The following GPC5 variants were observed in gnomAD, a reference collection of about 807,000 sequenced individuals.
GPC5 encodes glypican-5.
GPC5 carries 47 observed loss-of-function variants against 53.9 expected under a neutral mutation model. The observed-to-expected ratio is 0.87, with a 90% CI of 0.69 to 1.11. The LOEUF (loss-of-function observed/expected upper bound fraction) is 1.11, where lower values mean the gene tolerates loss of function less well. GPC5 is among the 50% of genes most tolerant of loss of function. GPC5 has a pLI of 0.00. For synonymous variants in GPC5, 286 were observed against 263.3 expected, an observed-to-expected ratio of 1.09 and a Z score of -0.84; for missense variants, 748 against 713.1, an observed-to-expected ratio of 1.05 and a Z score of -0.56.
intron 6 of GPC5, among the ~76,000 whole-genome samples, chr13:92,090,627 T>G (rs1232711282): frequency 6.6e-6 from 1 of 152,158 alleles, no homozygotes; most frequent in Non-Finnish European, 1.5e-5. Context: ...TTAAATAGAT[T>G]AAGACACCTA....
intron 7 of GPC5, among the ~76,000 whole-genome samples, chr13:92,566,154 A>C (rs1337746455): frequency 6.6e-6 from 1 of 152,056 alleles, no homozygotes. Flanking sequence ...GGAAAGGTGC[A>C]TGTCTCAGAC....
Position 92,866,614 on chromosome 13 carries a change from T to C in GPC5, c.*175T>C, listed in dbSNP as rs971054009. The C allele has an allele frequency of 4.5e-6, 2 of 443,256 alleles. No homozygotes were observed. Among genetic ancestry groups the C allele is most frequent in the African/African-American group, 4.0e-5 (2 of 49,468 alleles). 27.5% of individuals were successfully genotyped at this position (443,256 alleles called of 1,614,324 possible). On this transcript the variant is annotated 3_prime_UTR_variant, in exon 8 of 8. Transcript: ENST00000377067. ...TCATAAAGTCCCTAAAACTCAACGT[T>C]TAAATGACACACTTTAAAAATATGT...
chr13:92,556,098 G>A (rs7996354), intron 7 of GPC5, among the ~76,000 whole-genome samples: 105,104 of 151,446 alleles, frequency 0.69, 37,833 homozygotes, highest in African/African-American at 0.86. Context: ...TGGAATTTAT[G>A]TGGGGCAATA....
chr13:92,211,152 C>A (rs537098462), intron 7 of GPC5, among the ~76,000 whole-genome samples: 1 of 152,102 alleles, frequency 6.6e-6, no homozygotes, highest in African/African-American at 2.4e-5. Context: ...AGGAAAAGCA[C>A]TTGAAAATGG....
At chr13:92,252,217 CTT>C (rs1423565334) in intron 7 of GPC5, among the ~76,000 whole-genome samples, 1 of 151,950 alleles carries the variant, frequency 6.6e-6, no homozygotes, top group Non-Finnish European at 1.5e-5. Context: ...AAAAAGAAGA[CTT>C]AAACTTTTGA....
intron 5 of GPC5, among the ~76,000 whole-genome samples, chr13:91,787,580 T>C (rs994843800): frequency 9.9e-5 from 15 of 152,204 alleles, no homozygotes; most frequent in African/African-American, 2.7e-4. Context: ...GAGAAATATG[T>C]TCTCCAACAT....
At chr13:92,672,926 T>A (rs1436986345) in intron 7 of GPC5, among the ~76,000 whole-genome samples, 2 of 152,062 alleles carry the variant, frequency 1.3e-5, no homozygotes, top group East Asian at 3.9e-4. Flanking sequence ...GAAAAATAAC[T>A]AATGGGTGAT....
At chr13:92,705,465 G>A (rs1887916703) in intron 7 of GPC5, among the ~76,000 whole-genome samples, 2 of 151,968 alleles carry the variant, frequency 1.3e-5, no homozygotes, top group Non-Finnish European at 2.9e-5. Context: ...ATTCCATATT[G>A]AGATATACTG....
chr13:92,644,691 T>G (rs1342275087), intron 7 of GPC5, among the ~76,000 whole-genome samples: 1 of 152,182 alleles, frequency 6.6e-6, no homozygotes, highest in African/African-American at 2.4e-5. Context: ...CATGAAATAT[T>G]GTAATATATT....
intron 6 of GPC5, among the ~76,000 whole-genome samples, chr13:92,108,624 GT>G (rs2041528317): frequency 1.3e-5 from 2 of 152,166 alleles, no homozygotes; most frequent in Non-Finnish European, 2.9e-5. Context: ...ACTAAAATTT[GT>G]TTCCTCACAT....
intron 6 of GPC5, among the ~76,000 whole-genome samples, chr13:91,935,545 AATG>A (rs2139037634): frequency 6.6e-6 from 1 of 152,010 alleles, no homozygotes; most frequent in East Asian, 1.9e-4. Flanking sequence ...ATTGTAAAGA[AATG>A]ATATTTTTTG....
At chr13:92,553,444 C>G (rs572734313) in intron 7 of GPC5, among the ~76,000 whole-genome samples, 2 of 152,004 alleles carry the variant, frequency 1.3e-5, no homozygotes, top group South Asian at 4.1e-4. Flanking sequence ...GAGTTGGATA[C>G]CTGGAAGTAG....
intron 7 of GPC5, among the ~76,000 whole-genome samples, chr13:92,434,267 C>A (rs1566588884): frequency 6.6e-6 from 1 of 151,974 alleles, no homozygotes. Flanking sequence ...ATTTAGAGAA[C>A]CATAACAACC....
At chr13:91,976,178 G>A (rs1052629891) in intron 6 of GPC5, among the ~76,000 whole-genome samples, 3 of 152,118 alleles carry the variant, frequency 2.0e-5, no homozygotes, top group African/African-American at 7.2e-5. Flanking sequence ...GTTAAATGAC[G>A]AGTTAATGGG....
intron 6 of GPC5, among the ~76,000 whole-genome samples, chr13:92,116,558 A>C (rs1215972820): frequency 6.6e-6 from 1 of 152,226 alleles, no homozygotes; most frequent in East Asian, 1.9e-4. Context: ...ACAAGTTTTC[A>C]TTTTGGGAGC....
intron 2 of GPC5, among the ~76,000 whole-genome samples, chr13:91,691,542 C>T (rs1445553520): frequency 1.3e-5 from 2 of 152,054 alleles, no homozygotes; most frequent in Non-Finnish European, 2.9e-5. Context: ...TGAGCTCTAC[C>T]TAACAATTTA....
rs577822486 is a variant in GPC5, at chr13:91,806,308, T to A, written c.1280+49888T>A. On this transcript the variant is annotated intron_variant, in intron 5 of 7. Coordinates refer to ENST00000377067, the MANE Select transcript of GPC5 (RefSeq NM_004466.6). ...CCTTGGCCTCCCAAAGTGGTAGGAT[T>A]ACAGGCATGAGCCACCGCACCTGGC... 3.9e-5 allele frequency among the ~76,000 whole-genome samples: 6 copies of A among 152,194 alleles called. No individual in the cohort carries two copies. The South Asian group carries it at 1.0e-3, about 26-fold the overall frequency.
intron 6 of GPC5, among the ~76,000 whole-genome samples, chr13:91,969,421 G>GA (rs1003016875): frequency 6.6e-6 from 1 of 151,830 alleles, no homozygotes; most frequent in Admixed American, 6.6e-5. Flanking sequence ...AAATCTTCTA[G>GA]AAAAAAATCA....
intron 7 of GPC5, among the ~76,000 whole-genome samples, chr13:92,468,835 T>A (rs1006225963): frequency 6.6e-6 from 1 of 152,128 alleles, no homozygotes; most frequent in Non-Finnish European, 1.5e-5. Flanking sequence ...TGTCATCCTG[T>A]ACCCATTCCC....
Sources: allele counts gnomAD v4.1 joint callset (sites outside exome capture counted in the v4.1 genomes callset), GRCh38; gene constraint gnomAD v4.1.1; transcripts MANE v1.5; gene names NCBI Gene and HGNC (gene_info 2026-07-23, HGNC 2026-07-21).